The following TMPRSS9 variants were observed in gnomAD, a reference collection of about 807,000 sequenced individuals.
The protein encoded by TMPRSS9 is transmembrane serine protease 9.
In TMPRSS9, 113 loss-of-function variants were observed where a neutral mutation model predicts 111.4. The ratio of observed to expected loss-of-function variants is 1.01; its 90% CI spans 0.87 to 1.19. The LOEUF is 1.19. Ranked by LOEUF, TMPRSS9 falls within the 50% of genes most tolerant of loss-of-function variation. The probability of loss-of-function intolerance (pLI) is 0.00; values close to 1 mark genes in which losing one functional copy is unlikely to be tolerated. For missense variants in TMPRSS9, 1,803 were observed against 1,513.1 expected (o/e 1.19, Z -3.18); for synonymous variants, 805 against 659.1 (o/e 1.22, Z -3.39).
intron 1 of TMPRSS9, among the ~76,000 whole-genome samples, chr19:2,363,823 TGAGAGA>T (rs796275292): frequency 4.7e-5 from 5 of 107,018 alleles, no homozygotes; most frequent in Admixed American, 1.2e-4. Flanking sequence ...CGTGTGTGTG[TGAGAGA>T]GAGAGAGAGA....
chr19:2,400,377 A>G (rs977508344), intron 4 of TMPRSS9, among the ~76,000 whole-genome samples: 5 of 151,940 alleles, frequency 3.3e-5, no homozygotes, highest in African/African-American at 1.2e-4. Flanking sequence ...CCCCGTCTCT[A>G]CTAAAAATAC....
chr19:2,377,291 ATATATGTATG>A (rs1568169908), intron 1 of TMPRSS9, among the ~76,000 whole-genome samples: 14 of 117,774 alleles, frequency 1.2e-4, no homozygotes, highest in Admixed American at 1.5e-4. Context: ...GTATGTATGT[ATATATGTATG>A]TATGTATGTA....
chr19:2,424,204 G>T, exon 15 of TMPRSS9: 1 of 1,452,634 alleles, frequency 6.9e-7, no homozygotes, highest in Non-Finnish European at 9.1e-7. Flanking sequence ...ACCGTTGCGG[G>T]GCCGTGCTGG....
intron 8 of TMPRSS9, among the ~76,000 whole-genome samples, chr19:2,410,040 G>T (rs1180299125): frequency 6.6e-6 from 1 of 152,112 alleles, no homozygotes; most frequent in African/African-American, 2.4e-5. Flanking sequence ...CGGGCTGGGG[G>T]TGTTAAGTCT....
intron 1 of TMPRSS9, among the ~76,000 whole-genome samples, chr19:2,367,352 T>C (rs1468621996): frequency 3.3e-5 from 5 of 152,102 alleles, no homozygotes; most frequent in African/African-American, 4.8e-5. Context: ...AGATGATGAC[T>C]GTAAATATTG....
At chr19:2,422,730 T>A (rs909853758) in intron 14 of TMPRSS9, among the ~76,000 whole-genome samples, 3 of 151,360 alleles carry the variant, frequency 2.0e-5, no homozygotes, top group Admixed American at 6.6e-5. Flanking sequence ...TACAAAAAAA[T>A]AAATAAAAAA....
chr19:2,410,171 A>G lies in TMPRSS9; in HGVS notation c.1118-87A>G, dbSNP rs1337722961. The G allele has an allele frequency of 3.2e-6, 5 of 1,558,640 alleles. No homozygotes were observed. In the Admixed American group the frequency reaches 7.0e-5, roughly 22 times the overall value. On this transcript the variant is annotated intron_variant, in intron 8 of 17. Coordinates refer to ENST00000648592, the Ensembl canonical transcript of TMPRSS9. ...GCTGGGGAAACTGAGGGAGGCTTGG[A>G]GAGGAGCTGTCCTTCAGCCTCCCAG...
chr19:2,389,639 A>C, upstream of TMPRSS9: 2 of 929,552 alleles, frequency 2.2e-6, no homozygotes, highest in Non-Finnish European at 3.1e-6. Context: ...AAGTGCTGGG[A>C]TGACAGGCGT....
chr19:2,362,979 C>A (rs1364358714), intron 1 of TMPRSS9, among the ~76,000 whole-genome samples: 1 of 151,698 alleles, frequency 6.6e-6, no homozygotes, highest in Non-Finnish European at 1.5e-5. Flanking sequence ...GTGTGCAAAT[C>A]CCCTCTTCCT....
intron 1 of TMPRSS9, among the ~76,000 whole-genome samples, chr19:2,370,420 CAAAA>C (rs1307653420): frequency 3.0e-4 from 21 of 71,062 alleles, no homozygotes; most frequent in African/African-American, 8.6e-4. Context: ...GACTCTGTCT[CAAAA>C]AAAAAAAAAA....
intron 13 of TMPRSS9, 114 bp downstream of exon 14, chr19:2,418,252 C>G (rs939984030): frequency 4.6e-6 from 5 of 1,086,202 alleles, no homozygotes; most frequent in Admixed American, 4.6e-5. Flanking sequence ...CCTTCCCCCC[C>G]TCCTTCCCTC....
intron 1 of TMPRSS9, among the ~76,000 whole-genome samples, chr19:2,382,588 A>ACATG (rs1970397485): frequency 8.2e-6 from 1 of 121,634 alleles, no homozygotes; most frequent in Admixed American, 8.8e-5. Flanking sequence ...ACACAGATGC[A>ACATG]CATGCACACA....
At chr19:2,422,817 G>A (rs1185399260) in intron 14 of TMPRSS9, among the ~76,000 whole-genome samples, 1 of 152,126 alleles carries the variant, frequency 6.6e-6, no homozygotes, top group Non-Finnish European at 1.5e-5. Context: ...GAACCCAGGA[G>A]GTGGAGGTTG....
chr19:2,422,835 C>T (rs541919012), intron 14 of TMPRSS9, among the ~76,000 whole-genome samples: 21 of 151,894 alleles, frequency 1.4e-4, no homozygotes, highest in African/African-American at 5.1e-4. Flanking sequence ...TTGCAGTGAG[C>T]CGAGATCGTG....
exon 1 of TMPRSS9, chr19:2,389,884 G>T (rs1234797346): frequency 5.0e-6 from 8 of 1,613,706 alleles, no homozygotes; most frequent in East Asian, 4.5e-5. Flanking sequence ...GCATTGGCGT[G>T]GTGGCCACCA....
exon 18 of TMPRSS9, chr19:2,426,231 T>C: frequency 1.1e-6 from 1 of 932,724 alleles, no homozygotes; most frequent in East Asian, 3.0e-5. Context: ...GTACCACCCT[T>C]TGTTCCAATA....
intron 1 of TMPRSS9, among the ~76,000 whole-genome samples, chr19:2,379,523 G>C (rs944034612): frequency 6.6e-6 from 1 of 151,848 alleles, no homozygotes; most frequent in Non-Finnish European, 1.5e-5. Flanking sequence ...CAGCCTTCCA[G>C]ATGGGGCTGT....
chr19:2,416,750 A>G, exon 12 of TMPRSS9: 1 of 1,613,032 alleles, frequency 6.2e-7, no homozygotes, highest in South Asian at 1.1e-5. Flanking sequence ...GCCATCCAGA[A>G]GTTCCCTGTG....
chr19:2,420,542 G>T (rs1235779404), intron 13 of TMPRSS9, among the ~76,000 whole-genome samples: 2 of 151,882 alleles, frequency 1.3e-5, no homozygotes, highest in African/African-American at 4.8e-5. Flanking sequence ...CAGTGTAAAT[G>T]CCCATTCACA....
Sources: allele counts gnomAD v4.1 joint callset (sites outside exome capture counted in the v4.1 genomes callset), GRCh38; gene constraint gnomAD v4.1.1; transcripts MANE v1.5; gene names NCBI Gene and HGNC (gene_info 2026-07-23, HGNC 2026-07-21).